The following RAD18 variants were observed in gnomAD, a reference collection of about 807,000 sequenced individuals.
The protein encoded by RAD18 is E3 ubiquitin-protein ligase RAD18.
RAD18 carries 47 observed loss-of-function variants against 60.4 expected under a neutral mutation model. That is an observed-to-expected ratio of 0.78 (90% CI 0.62 to 0.99). The LOEUF (loss-of-function observed/expected upper bound fraction) is 0.99. RAD18 is among the 50% of genes least tolerant of loss of function. The pLI is 0.00. For missense variants in RAD18, 640 were observed against 593.3 expected, an observed-to-expected ratio of 1.08 and a Z score of -0.82; for synonymous variants, 225 against 195.5, an observed-to-expected ratio of 1.15 and a Z score of -1.26.
chr3:8,936,019 TAC>T lies in RAD18; in HGVS notation c.739_740del (p.Val247IlefsTer2), dbSNP rs1390943819. 2 of 1,607,636 alleles carry T rather than the reference TAC, an allele frequency of 1.2e-6. No individual in the cohort carries two copies. Among genetic ancestry groups the T allele is most frequent in the Non-Finnish European group, 1.7e-6 (2 of 1,177,218 alleles). On this transcript the variant is annotated frameshift_variant, in exon 7 of 13. Transcript: ENST00000264926. LOFTEE classifies it high-confidence loss of function. ...VHKRKPLPKT[V>X]YNLLSDRDLK... ...AATCACGATCAGAGAGCAAATTATA[TAC>T]AGTTTTGGGCAGCGGCTTCCTTTTG...
chr3:8,894,041 T>G (rs1047247268), intron 11 of RAD18, among the ~76,000 whole-genome samples: 1 of 152,046 alleles, frequency 6.6e-6, no homozygotes, highest in Non-Finnish European at 1.5e-5. Flanking sequence ...TTCTCCCCAC[T>G]TGACAAAGGC....
intron 7 of RAD18, among the ~76,000 whole-genome samples, chr3:8,934,431 G>A (rs435936): frequency 0.7 from 107,086 of 152,108 alleles, 38,142 homozygotes; most frequent in Middle Eastern, 0.78. Context: ...CAGAAGAATT[G>A]GACATAGATT....
chr3:8,931,500 C>T (rs1233661956), intron 7 of RAD18: 2 of 152,254 alleles, frequency 1.3e-5, no homozygotes, highest in African/African-American at 2.4e-5. Flanking sequence ...CAGATGCTGT[C>T]CTGGACCTGC....
chr3:8,920,351 T>TGCCA (rs1358290138), intron 7 of RAD18, among the ~76,000 whole-genome samples: 1 of 151,190 alleles, frequency 6.6e-6, no homozygotes, highest in Non-Finnish European at 1.5e-5. Context: ...TTCAGAATCA[T>TGCCA]GCCAAGTATC....
chr3:8,935,749 T>G, intron 7 of RAD18, 122 bp downstream of exon 7: 1 of 936,418 alleles, frequency 1.1e-6, no homozygotes, highest in Non-Finnish European at 1.5e-6. Context: ...GGAACACATT[T>G]GCACGTCTTA....
intron 12 of RAD18, among the ~76,000 whole-genome samples, chr3:8,883,492 G>C (rs1182653462): frequency 1.3e-5 from 2 of 152,172 alleles, no homozygotes; most frequent in Non-Finnish European, 2.9e-5. Flanking sequence ...CAGTTCCTTA[G>C]ACATCTGGAA....
intron 9 of RAD18, among the ~76,000 whole-genome samples, chr3:8,906,911 T>C (rs1381055374): frequency 6.6e-6 from 1 of 152,158 alleles, no homozygotes; most frequent in Non-Finnish European, 1.5e-5. Context: ...TATTTCGAAA[T>C]GGATTATTTA....
Position 8,913,681 on chromosome 3 carries a change from G to C in RAD18, c.929C>G (p.Thr310Ser), listed in dbSNP as rs1225695287. 2 of 1,578,690 alleles carry C rather than the reference G, an allele frequency of 1.3e-6. No individual in the cohort carries two copies. Among genetic ancestry groups the C allele is most frequent in the South Asian group, 1.2e-5 (1 of 85,536 alleles). Residue 310 changes from threonine to serine, a missense_variant, in exon 8 of 13, where the codon ACT becomes AGT. Coordinates refer to ENST00000264926, the MANE Select transcript of RAD18 (RefSeq NM_020165.4). ...TTTACTAGCTTCAAGACGCATCCTAGTCTTCTCTATATTTTCGATTTCTCG... is the reference window on the plus strand; with the variant it reads ...TTTACTAGCTTCAAGACGCATCCTACTCTTCTCTATATTTTCGATTTCTCG... ...IVREIENIEK[T>S]RMRLEASKLN...
intron 12 of RAD18, among the ~76,000 whole-genome samples, chr3:8,882,286 C>T (rs977410994): frequency 1.3e-5 from 2 of 152,174 alleles, no homozygotes; most frequent in Admixed American, 1.3e-4. Context: ...CAGTCTGCCT[C>T]AAGGGGAGGC....
intron 6 of RAD18, among the ~76,000 whole-genome samples, chr3:8,938,577 C>G (rs548869745): frequency 1.3e-5 from 2 of 152,252 alleles, no homozygotes; most frequent in South Asian, 4.1e-4. Flanking sequence ...CACCTATTAT[C>G]TTGCCCTTGC....
At chr3:8,950,928 A>G (rs6777425) in intron 2 of RAD18, among the ~76,000 whole-genome samples, 11,412 of 152,218 alleles carry the variant, frequency 0.075, 850 homozygotes, top group African/African-American at 0.19. Flanking sequence ...GGAATCTCTG[A>G]GCTTTAGGAC....
chr3:8,956,619 G>A (rs1941017336), intron 2 of RAD18, among the ~76,000 whole-genome samples: 3 of 152,052 alleles, frequency 2.0e-5, no homozygotes, highest in Admixed American at 2.0e-4. Flanking sequence ...AGGGAGTGAG[G>A]CCCTGTCTCC....
chr3:8,947,624 C>G lies in RAD18; in HGVS notation c.196-334G>C, dbSNP rs184553227. Among the ~76,000 whole-genome samples the G allele has an allele frequency of 1.9e-3, 283 of 152,282 alleles. 1 individual carries two copies. The highest frequency in any genetic ancestry group is 0.014 in the Middle Eastern group (4 of 294). ...TTTCTCAGAAATTTCTCCGGAAAAA[C>G]AGAAGAGAAATGTTCTTTTAAGTTC... On this transcript the variant is annotated intron_variant, in intron 3 of 12. Transcript: ENST00000264926.
At chr3:8,949,797 T>C (rs1443941417) in intron 2 of RAD18, among the ~76,000 whole-genome samples, 1 of 152,250 alleles carries the variant, frequency 6.6e-6, no homozygotes, top group East Asian at 1.9e-4. Context: ...TGAGCTGTAA[T>C]TGACGAATTG....
At chr3:8,922,735 A>T (rs908112652) in intron 7 of RAD18, among the ~76,000 whole-genome samples, 1 of 152,202 alleles carries the variant, frequency 6.6e-6, no homozygotes, top group Non-Finnish European at 1.5e-5. Context: ...AGGAACAATC[A>T]GGCAGCAACA....
Position 8,879,855 on chromosome 3 carries a change from C to G in RAD18, c.*1502G>C, listed in dbSNP as rs1195866332. ...TTGGGTCTCACCGCTCCCTCACAAA[C>G]TCCTTTTGCTGCAATTAAAGTAATA... is the stretch of plus-strand genomic sequence containing the variant. On this transcript the variant is annotated 3_prime_UTR_variant, in exon 13 of 13. Transcript: ENST00000264926. The G allele has an allele frequency of 6.6e-6, 1 of 152,224 alleles. No individual in the cohort carries two copies. The highest frequency in any genetic ancestry group is 1.5e-5 in the Non-Finnish European group (1 of 68,036). The allele number at this position is 152,224 out of a possible 1,614,324, so 9.4% of individuals were successfully genotyped here.
At chr3:8,891,062 CATATATATATAAAATAT>C (rs1939677840) in intron 11 of RAD18, among the ~76,000 whole-genome samples, 1 of 86,620 alleles carries the variant, frequency 1.2e-5, no homozygotes, top group African/African-American at 6.3e-5. Flanking sequence ...ATGTATAAAG[CATATATATATAAAATAT>C]ATATATATAT....
rs116830863 is a variant in RAD18 at position 8,882,397 on chromosome 3, C to G, written c.1386-938G>C. 4.3e-3 allele frequency among the ~76,000 whole-genome samples: 649 copies of G among 152,218 alleles called. 9 individuals are homozygous for G. The highest frequency in any genetic ancestry group is 0.015 in the African/African-American group (606 of 41,520). On this transcript the variant is annotated intron_variant, in intron 12 of 12. Transcript: ENST00000264926. ...TTACAGGAGGGGCAGTAAATCATCTCCAGCTGATGACCTTACACTGACACC... is the reference window on the plus strand; with the variant it reads ...TTACAGGAGGGGCAGTAAATCATCTGCAGCTGATGACCTTACACTGACACC...
At chr3:8,890,918 G>T (rs1240981458) in intron 11 of RAD18, among the ~76,000 whole-genome samples, 1 of 151,904 alleles carries the variant, frequency 6.6e-6, no homozygotes, top group Non-Finnish European at 1.5e-5. Context: ...TGTGCTTAAG[G>T]TACTGTTTCT....
Sources: allele counts gnomAD v4.1 joint callset (sites outside exome capture counted in the v4.1 genomes callset), GRCh38; gene constraint gnomAD v4.1.1; transcripts MANE v1.5; gene names NCBI Gene and HGNC (gene_info 2026-07-23, HGNC 2026-07-21).